RGS6: variants seen among roughly 807,000 people sequenced by gnomAD.
RGS6 encodes regulator of G protein signaling 6, also known as regulator of G-protein signaling 6.
In RGS6, 30 loss-of-function variants were observed where a neutral mutation model predicts 78.5. The observed-to-expected ratio is 0.38, with a 90% CI of 0.29 to 0.52. The LOEUF (loss-of-function observed/expected upper bound fraction) is 0.52, where lower values mean the gene tolerates loss of function less well. Ranked by LOEUF, RGS6 falls within the 20% of genes least tolerant of loss-of-function variation. The pLI is 0.85. For synonymous variants in RGS6, 206 were observed against 206.0 expected (o/e 1.00, Z 0.00); for missense variants, 495 against 609.7 (o/e 0.81, Z 1.98).
At chr14:72,289,338 T>TCC (rs2063163379) in intron 2 of RGS6, among the ~76,000 whole-genome samples, 1 of 151,888 alleles carries the variant, frequency 6.6e-6, no homozygotes, top group Non-Finnish European at 1.5e-5. Context: ...TTTCTCTCTC[T>TCC]CTCTCTCTCT....
At chr14:72,020,970 A>C (rs745653418) in intron 2 of RGS6, among the ~76,000 whole-genome samples, 1 of 152,148 alleles carries the variant, frequency 6.6e-6, no homozygotes, top group Non-Finnish European at 1.5e-5. Context: ...ATTTGAGAAG[A>C]GCACTTCTCC....
intron 3 of RGS6, among the ~76,000 whole-genome samples, chr14:72,374,127 A>G (rs953761060): frequency 1.3e-5 from 2 of 152,182 alleles, no homozygotes; most frequent in Non-Finnish European, 1.5e-5. Flanking sequence ...TCTAGGGTAC[A>G]TGTGCACAAC....
chr14:72,408,239 T>C (rs904917562), intron 3 of RGS6, among the ~76,000 whole-genome samples: 9 of 152,240 alleles, frequency 5.9e-5, no homozygotes, highest in Non-Finnish European at 1.0e-4. Context: ...CTGTTTATAC[T>C]AAGATCCACA....
chr14:72,414,454 T>C (rs1455704897), intron 3 of RGS6, among the ~76,000 whole-genome samples: 1 of 152,210 alleles, frequency 6.6e-6, no homozygotes, highest in Non-Finnish European at 1.5e-5. Context: ...GTTATTCTAG[T>C]TAGTCATTCT....
At chr14:72,507,833 C>T (rs956812038) in intron 13 of RGS6, among the ~76,000 whole-genome samples, 1 of 152,212 alleles carries the variant, frequency 6.6e-6, no homozygotes, top group African/African-American at 2.4e-5. Context: ...CTGAATCCTC[C>T]TCTGGTAAAG....
intron 1 of RGS6, among the ~76,000 whole-genome samples, chr14:71,959,279 C>G (rs1384180581): frequency 6.6e-6 from 1 of 152,036 alleles, no homozygotes; most frequent in African/African-American, 2.4e-5. Context: ...ACTGAGCTAG[C>G]ACACATCTTG....
rs997492041 is a variant in RGS6, at chr14:71,966,867, G to GT, written c.84+2001dup. 8.6e-5 allele frequency among the ~76,000 whole-genome samples: 13 copies of GT among 151,240 alleles called. No homozygotes were observed. In the East Asian group the frequency reaches 9.7e-4, roughly 11 times the overall value. On this transcript the variant is annotated intron_variant, in intron 2 of 17. Transcript: ENST00000553525. ...TGTCTAGAGCAAATTTATACAGTGA[G>GT]TTTTTTTTTAAGACACAGGAAAACA...
chr14:72,589,359 G>A, the RGS6 span, among the ~76,000 whole-genome samples: 82 of 152,240 alleles, frequency 5.4e-4, no homozygotes, highest in African/African-American at 1.8e-3. Flanking sequence ...AGACCAGCCT[G>A]GCCAACATGG....
At chr14:72,073,318 A>G (rs530491524) in intron 2 of RGS6, among the ~76,000 whole-genome samples, 1 of 152,358 alleles carries the variant, frequency 6.6e-6, no homozygotes, top group African/African-American at 2.4e-5. Flanking sequence ...ATTAATTGAC[A>G]TAAATGAGAG....
rs1425582443 is a variant in RGS6, at chr14:71,944,854, GC to G, written c.-21+11915del. Among the ~76,000 whole-genome samples, 4 of 152,268 alleles carry G rather than the reference GC, an allele frequency of 2.6e-5. No homozygotes were observed. The East Asian group carries it at 7.7e-4, about 29-fold the overall frequency. On this transcript the variant is annotated intron_variant, in intron 1 of 17. Coordinates refer to ENST00000553525, the MANE Select transcript of RGS6 (RefSeq NM_001204424.2). ...GTACTTACACAACCTAGATGGTATA[GC>G]CTACTGTACACCTAGGCCATGTGGT... is the stretch of plus-strand genomic sequence containing the variant.
chr14:71,906,394 AG>A, the RGS6 span, among the ~76,000 whole-genome samples: 4 of 152,160 alleles, frequency 2.6e-5, no homozygotes, highest in Non-Finnish European at 5.9e-5. Flanking sequence ...GATCTACTTT[AG>A]GTCAGGGGAA....
At chr14:72,583,234 C>A in the RGS6 span, among the ~76,000 whole-genome samples, 1 of 152,178 alleles carries the variant, frequency 6.6e-6, no homozygotes, top group Non-Finnish European at 1.5e-5. Flanking sequence ...CTACTAGGTC[C>A]CCTTGTTCTC....
intron 2 of RGS6, among the ~76,000 whole-genome samples, chr14:72,337,342 T>C (rs897252480): frequency 6.6e-6 from 1 of 151,914 alleles, no homozygotes. Flanking sequence ...GGTCCGTGTT[T>C]CCAATGCAGT....
chr14:72,594,014 C>T, the RGS6 span, among the ~76,000 whole-genome samples: 1 of 152,050 alleles, frequency 6.6e-6, no homozygotes, highest in Admixed American at 6.6e-5. Context: ...GCAGTGGGAC[C>T]AGAACCAAGA....
intron 2 of RGS6, among the ~76,000 whole-genome samples, chr14:72,195,075 A>G (rs7144532): frequency 0.16 from 23,938 of 152,012 alleles, 1,993 homozygotes; most frequent in South Asian, 0.25. Context: ...AGGTGTGGTG[A>G]CACACACCTG....
intron 2 of RGS6, among the ~76,000 whole-genome samples, chr14:72,291,245 ACT>A (rs1160599280): frequency 2.0e-5 from 3 of 151,510 alleles, no homozygotes; most frequent in African/African-American, 7.3e-5. Flanking sequence ...TAGGCAAGCC[ACT>A]CTCCATAGTT....
At chr14:72,487,963 G>C (rs12161899) in intron 12 of RGS6, among the ~76,000 whole-genome samples, 1 of 151,978 alleles carries the variant, frequency 6.6e-6, no homozygotes, top group African/African-American at 2.4e-5. Flanking sequence ...CGCTGACTAG[G>C]AGTGCCTCTT....
intron 2 of RGS6, among the ~76,000 whole-genome samples, chr14:72,216,447 C>T (rs998052974): frequency 6.6e-6 from 1 of 152,164 alleles, no homozygotes; most frequent in Non-Finnish European, 1.5e-5. Context: ...CGCACCAACA[C>T]GAGGAATTAT....
intron 2 of RGS6, among the ~76,000 whole-genome samples, chr14:72,177,888 G>A (rs1466618411): frequency 2.0e-5 from 3 of 152,170 alleles, no homozygotes; most frequent in East Asian, 1.9e-4. Flanking sequence ...GAGAGAATAC[G>A]AAAATGTGTT....
Sources: gnomAD v4.1 joint callset for allele counts (sites outside exome capture counted in the v4.1 genomes callset) on GRCh38, gnomAD v4.1.1 for gene constraint, MANE v1.5 for transcripts, NCBI Gene and HGNC (gene_info 2026-07-23, HGNC 2026-07-21) for gene names.